TMEM245: variants seen among roughly 807,000 people sequenced by gnomAD.
TMEM245 encodes the protein transmembrane protein 245, also known as protein CG-2.
A neutral mutation model predicts 101.2 loss-of-function variants in TMEM245; 69 were observed. The observed-to-expected ratio is 0.68, with a 90% confidence interval of 0.56 to 0.83. The LOEUF (loss-of-function observed/expected upper bound fraction) is 0.83. Ranked by LOEUF, TMEM245 falls within the 40% of genes least tolerant of loss-of-function variation. TMEM245 has a pLI of 0.00. For missense variants in TMEM245, 1,075 were observed against 1,092.8 expected, an observed-to-expected ratio of 0.98 and a Z score of 0.23; for synonymous variants, 537 against 449.8, an observed-to-expected ratio of 1.19 and a Z score of -2.45.
At chr9:109,060,039 A>C (rs535122057) in intron 11 of TMEM245, among the ~76,000 whole-genome samples, 1 of 152,258 alleles carries the variant, frequency 6.6e-6, no homozygotes, top group Non-Finnish European at 1.5e-5. Flanking sequence ...TTCGTTTAGT[A>C]TAAGTATTAG....
chr9:109,073,533 G>T (rs1829397611), intron 8 of TMEM245, 95 bp from the exon 9 acceptor site: 3 of 918,918 alleles, frequency 3.3e-6, no homozygotes, highest in Non-Finnish European at 5.0e-6. Flanking sequence ...AATGCTTTGA[G>T]AGCCAAATAA....
intron 17 of TMEM245, among the ~76,000 whole-genome samples, chr9:109,021,245 G>C (rs912692412): frequency 1.3e-5 from 2 of 152,128 alleles, no homozygotes; most frequent in Non-Finnish European, 2.9e-5. Context: ...CATCTGTGCT[G>C]GCAGCCAAAT....
chr9:109,041,950 G>A (rs755024489), intron 14 of TMEM245, among the ~76,000 whole-genome samples: 56 of 151,974 alleles, frequency 3.7e-4, no homozygotes, highest in Non-Finnish European at 7.6e-4. Flanking sequence ...GGGCAACAGG[G>A]AAAACCCCGT....
At chr9:109,117,867 T>C (rs1179416059) in intron 1 of TMEM245, among the ~76,000 whole-genome samples, 2 of 152,260 alleles carry the variant, frequency 1.3e-5, no homozygotes, top group Non-Finnish European at 2.9e-5. Context: ...CTTATTTTTC[T>C]TAGAACATAG....
chr9:109,061,318 A>G (rs897890105), intron 10 of TMEM245, among the ~76,000 whole-genome samples: 3 of 150,800 alleles, frequency 2.0e-5, no homozygotes, highest in Non-Finnish European at 1.5e-5. Flanking sequence ...CTGGTCTCAG[A>G]AAAAAAAACA....
chr9:109,070,853 T>C (rs1252915859), intron 9 of TMEM245, among the ~76,000 whole-genome samples: 1 of 152,182 alleles, frequency 6.6e-6, no homozygotes, highest in Non-Finnish European at 1.5e-5. Flanking sequence ...TTTGGGCTTT[T>C]TGTCTGAATT....
Position 109,108,436 on chromosome 9 carries a change from AAAAAG to A in TMEM245, c.697+12_697+16del, listed in dbSNP as rs1198654328. On this transcript the variant is annotated intron_variant, in intron 2 of 17. Coordinates refer to ENST00000374586, the MANE Select transcript of TMEM245 (RefSeq NM_032012.4). ...GGCTAGACTTAAAAAAAAAAAAAAA[AAAAAG>A]AAGGAACCCACCTAAATGAAAAAGC... 5 of 1,439,918 alleles carry A rather than the reference AAAAAG, an allele frequency of 3.5e-6. No individual in the cohort carries two copies. The Admixed American group carries it at 7.7e-5, about 22-fold the overall frequency. The allele number at this position is 1,439,918 out of a possible 1,614,324, so 89.2% of individuals were successfully genotyped here.
chr9:109,080,714 T>C, intron 8 of TMEM245, 125 bp downstream of exon 8: 4 of 587,024 alleles, frequency 6.8e-6, no homozygotes, highest in Non-Finnish European at 1.2e-5. Flanking sequence ...ATAAATCCTT[T>C]AGCTATTGTA....
At position 109,015,960 on chromosome 9, in the gene TMEM245, C is replaced by G. The variant is rs1827427376; in HGVS notation, c.*4500G>C. 6.6e-6 allele frequency: 1 copy of G among 152,582 alleles called. No individual in the cohort carries two copies. Among genetic ancestry groups the G allele is most frequent in the African/African-American group, 2.4e-5 (1 of 41,430 alleles). 9.5% of individuals were successfully genotyped at this position (152,582 alleles called of 1,614,324 possible). On this transcript the variant is annotated 3_prime_UTR_variant, in exon 18 of 18. Transcript: ENST00000374586. ...GAATCTCTATACCTTAAGTATAGCT[C>G]TAAACAGCAAATATACTTGCTTTCT...
chr9:109,048,909 A>G (rs1828584937), intron 14 of TMEM245, among the ~76,000 whole-genome samples: 1 of 152,214 alleles, frequency 6.6e-6, no homozygotes, highest in Non-Finnish European at 1.5e-5. Context: ...TAAGAGATAA[A>G]CAACGATTCT....
chr9:109,065,284 T>C (rs889099371), intron 9 of TMEM245, among the ~76,000 whole-genome samples: 1 of 152,178 alleles, frequency 6.6e-6, no homozygotes, highest in East Asian at 1.9e-4. Flanking sequence ...TCAGAACTTT[T>C]TGGAAACCTG....
intron 12 of TMEM245, among the ~76,000 whole-genome samples, chr9:109,053,885 C>A (rs1356006482): frequency 6.6e-6 from 1 of 152,168 alleles, no homozygotes; most frequent in African/African-American, 2.4e-5. Context: ...CCTCTGTCTG[C>A]CTCAGAGACT....
intron 14 of TMEM245, among the ~76,000 whole-genome samples, chr9:109,045,939 A>G (rs1828476317): frequency 6.6e-6 from 1 of 152,220 alleles, no homozygotes; most frequent in African/African-American, 2.4e-5. Flanking sequence ...ATACATTTAA[A>G]TATTGTTTAT....
Position 109,044,762 on chromosome 9 carries a change from G to GTT in TMEM245, c.2123+5519_2123+5520dup, listed in dbSNP as rs5899833. On this transcript the variant is annotated intron_variant, in intron 14 of 17. Coordinates refer to ENST00000374586, the MANE Select transcript of TMEM245 (RefSeq NM_032012.4). ...ATCATCTTGATCATTTATCATTTTGGTTTTTTTTTTTTTTTTTGAGATAGA... is the reference window on the plus strand; with the variant it reads ...ATCATCTTGATCATTTATCATTTTGGTTTTTTTTTTTTTTTTTTTGAGATAGA... 1.8e-3 allele frequency among the ~76,000 whole-genome samples: 239 copies of GTT among 136,048 alleles called. 1 individual carries two copies. The highest frequency in any genetic ancestry group is 3.8e-3 in the Middle Eastern group (1 of 264). 89.3% of individuals were successfully genotyped at this position (136,048 alleles called of 152,430 possible).
chr9:109,077,818 G>C (rs1469053506), intron 8 of TMEM245, among the ~76,000 whole-genome samples: 1 of 152,140 alleles, frequency 6.6e-6, no homozygotes, highest in Non-Finnish European at 1.5e-5. Context: ...TTTAAAGTGT[G>C]TCTCTAACAT....
intron 17 of TMEM245, among the ~76,000 whole-genome samples, chr9:109,031,317 T>A (rs1199836563): frequency 1.3e-5 from 2 of 152,188 alleles, no homozygotes; most frequent in Admixed American, 1.3e-4. Context: ...GTTCATAGCA[T>A]CTTGAATTAA....
intron 10 of TMEM245, among the ~76,000 whole-genome samples, chr9:109,061,980 T>C (rs1182542209): frequency 1.3e-5 from 2 of 152,008 alleles, no homozygotes; most frequent in African/African-American, 2.4e-5. Context: ...CATAAATAAA[T>C]GTACTGCAAC....
intron 3 of TMEM245, among the ~76,000 whole-genome samples, chr9:109,093,825 G>A (rs914932810): frequency 2.6e-5 from 4 of 152,132 alleles, no homozygotes; most frequent in African/African-American, 9.7e-5. Flanking sequence ...AATGCTGGTG[G>A]ATGTGGCAGA....
chr9:109,037,307 A>G (rs2132328428), intron 15 of TMEM245, among the ~76,000 whole-genome samples: 1 of 152,344 alleles, frequency 6.6e-6, no homozygotes, highest in African/African-American at 2.4e-5. Context: ...AATCAGTTCA[A>G]TTCAAACGTT....
Sources: allele counts gnomAD v4.1 joint callset (sites outside exome capture counted in the v4.1 genomes callset), GRCh38; gene constraint gnomAD v4.1.1; transcripts MANE v1.5; gene names NCBI Gene and HGNC (gene_info 2026-07-23, HGNC 2026-07-21).